The following PPP1R42 variants were observed in gnomAD, a reference collection of about 807,000 sequenced individuals.
PPP1R42 encodes the protein leucine rich repeat containing 67.
In PPP1R42, 34 loss-of-function variants were observed where a neutral mutation model predicts 31.0. That is an observed-to-expected ratio of 1.10 (90% CI 0.83 to 1.46). PPP1R42 has a LOEUF of 1.46. Ranked by LOEUF, PPP1R42 falls within the 40% of genes most tolerant of loss-of-function variation. PPP1R42 has a pLI of 0.00. For synonymous variants in PPP1R42, 103 were observed against 109.8 expected (o/e 0.94, Z 0.39); for missense variants, 268 against 303.0 (o/e 0.88, Z 0.86).
At chr8:67,019,893 A>C (rs888722238) in intron 1 of PPP1R42, among the ~76,000 whole-genome samples, 3 of 151,674 alleles carry the variant, frequency 2.0e-5, no homozygotes, top group African/African-American at 4.8e-5. Context: ...ACCTCAACAA[A>C]AAAAAAACCA....
rs1814863223 is a variant in PPP1R42, at chr8:66,982,227, A to G, written c.671-47T>C. The stretch of plus-strand genomic sequence containing the variant: ...TAAAAAATACAATATATACATATAA[A>G]CATAAGTCAAAATATGCACTTCTGG... On this transcript the variant is annotated intron_variant, in intron 6 of 7. Coordinates refer to ENST00000685739, the MANE Select transcript of PPP1R42 (RefSeq NM_001364910.1). The G allele has an allele frequency of 5.2e-6, 5 of 964,094 alleles. 1 individual carries two copies. In the East Asian group the frequency reaches 1.5e-4, roughly 30 times the overall value. The allele number at this position is 964,094 out of a possible 1,614,324, so 59.7% of individuals were successfully genotyped here.
chr8:66,978,909 TG>T (rs1434975956), intron 7 of PPP1R42, among the ~76,000 whole-genome samples: 13 of 151,468 alleles, frequency 8.6e-5, no homozygotes, highest in South Asian at 2.1e-4. Flanking sequence ...AAAACTGGGT[TG>T]TTTTTTTGCT....
chr8:66,995,737 T>C (rs1174947489), intron 5 of PPP1R42, among the ~76,000 whole-genome samples: 1 of 152,218 alleles, frequency 6.6e-6, no homozygotes, highest in African/African-American at 2.4e-5. Context: ...AAAATTAAAG[T>C]GAGATAATCA....
At chr8:66,966,889 T>C (rs1318475942) in intron 7 of PPP1R42, among the ~76,000 whole-genome samples, 1 of 152,236 alleles carries the variant, frequency 6.6e-6, no homozygotes, top group Admixed American at 6.5e-5. Flanking sequence ...TATATAACTC[T>C]TGTTCACAGA....
In PPP1R42 at chr8:67,017,733, G is replaced by A; in HGVS notation, c.15C>T (p.Thr5=). ...TGCTGTTTCTGGCAATTAGATCCAAGGTCAGTCGAACCATAATTTCTTTAT... is the reference window on the plus strand; with the variant it reads ...TGCTGTTTCTGGCAATTAGATCCAAAGTCAGTCGAACCATAATTTCTTTAT... The part of the protein sequence containing the change: MVRL[T]LDLIARNSNL... The change falls in exon 2 of 8, where the codon ACC becomes ACT. Residue 5 remains threonine (T), a synonymous_variant. Transcript: ENST00000685739. 2 of 1,589,650 alleles carry A rather than the reference G, an allele frequency of 1.3e-6. No individual in the cohort carries two copies. Among genetic ancestry groups the A allele is most frequent in the African/African-American group, 1.3e-5 (1 of 74,198 alleles).
intron 7 of PPP1R42, among the ~76,000 whole-genome samples, chr8:66,970,443 A>G (rs113894453): frequency 3.9e-5 from 6 of 152,098 alleles, no homozygotes; most frequent in African/African-American, 1.2e-4. Flanking sequence ...GCTCTGGTTT[A>G]TTTTTCCATC....
At chr8:67,012,801 A>G (rs550930282) in intron 4 of PPP1R42, 157 bp downstream of exon 4, 2 of 545,482 alleles carry the variant, frequency 3.7e-6, no homozygotes, top group Non-Finnish European at 5.8e-6. Flanking sequence ...GAGATTGTAC[A>G]TGAGAAAATC....
chr8:67,020,610 A>G (rs1278033533), intron 1 of PPP1R42, among the ~76,000 whole-genome samples: 4 of 152,224 alleles, frequency 2.6e-5, no homozygotes, highest in African/African-American at 7.2e-5. Flanking sequence ...AAGGATAATA[A>G]TAGTCCCTAT....
chr8:66,980,403 A>AT (rs909436075), intron 7 of PPP1R42, among the ~76,000 whole-genome samples: 4 of 151,080 alleles, frequency 2.6e-5, no homozygotes, highest in East Asian at 2.0e-4. Context: ...ATTTTAAAGT[A>AT]TTTTTTTTAT....
intron 2 of PPP1R42, among the ~76,000 whole-genome samples, chr8:67,015,744 AATAATT>A (rs1451753355): frequency 6.6e-6 from 1 of 152,094 alleles, no homozygotes; most frequent in Non-Finnish European, 1.5e-5. Flanking sequence ...TTTGAGATAA[AATAATT>A]AAAGGGATTT....
intron 6 of PPP1R42, chr8:66,984,800 C>G: frequency 6.2e-7 from 1 of 1,607,974 alleles, no homozygotes; most frequent in South Asian, 1.1e-5. Context: ...GAAATTCTCA[C>G]TTTGGGTTCT....
chr8:67,010,232 A>C (rs1406110881), intron 5 of PPP1R42, among the ~76,000 whole-genome samples: 1 of 152,248 alleles, frequency 6.6e-6, no homozygotes, highest in African/African-American at 2.4e-5. Flanking sequence ...TAAATGAATA[A>C]TTGAATGAAT....
chr8:67,017,566 T>C (rs1816053682), intron 2 of PPP1R42, 53 bp downstream of exon 2: 1 of 1,073,240 alleles, frequency 9.3e-7, no homozygotes, highest in Non-Finnish European at 1.3e-6. Context: ...AACCAATTCC[T>C]AAATTTTACA....
chr8:66,985,426 G>A (rs940731309), intron 6 of PPP1R42: 4 of 776,946 alleles, frequency 5.1e-6, no homozygotes, highest in Non-Finnish European at 9.0e-6. Flanking sequence ...CTCCTTGCCT[G>A]TTGCATCTAC....
At chr8:67,024,349 T>C (rs1816323315) in intron 1 of PPP1R42, among the ~76,000 whole-genome samples, 2 of 152,188 alleles carry the variant, frequency 1.3e-5, no homozygotes, top group South Asian at 4.1e-4. Flanking sequence ...GGTCTCACTC[T>C]GTCATTCAGG....
intron 1 of PPP1R42, among the ~76,000 whole-genome samples, chr8:67,027,586 C>A (rs1312786762): frequency 1.3e-5 from 2 of 152,166 alleles, no homozygotes; most frequent in Non-Finnish European, 2.9e-5. Flanking sequence ...CAAAACACCA[C>A]CATTCATCTT....
intron 7 of PPP1R42, among the ~76,000 whole-genome samples, chr8:66,979,989 T>C (rs1814781513): frequency 6.6e-6 from 1 of 152,158 alleles, no homozygotes; most frequent in Non-Finnish European, 1.5e-5. Flanking sequence ...GTATTAAATA[T>C]TTAAAAAGTG....
chr8:66,984,298 T>A lies in PPP1R42; in HGVS notation c.671-2118A>T. 1.4e-5 allele frequency: 19 copies of A among 1,351,020 alleles called. No homozygotes were observed. The South Asian group carries it at 1.9e-4, about 13-fold the overall frequency. The allele number at this position is 1,351,020 out of a possible 1,614,324, so 83.7% of individuals were successfully genotyped here. Reference sequence around the variant, plus strand: ...TGTACCCTCCCAGAATAGTACACATTTGTTGGTTTTCTTCACAGCTTCCTC... The same window carrying A: ...TGTACCCTCCCAGAATAGTACACATATGTTGGTTTTCTTCACAGCTTCCTC... On this transcript the variant is annotated intron_variant, in intron 6 of 7. Transcript: ENST00000685739.
At chr8:67,010,143 A>G (rs1815801177) in intron 5 of PPP1R42, among the ~76,000 whole-genome samples, 2 of 152,244 alleles carry the variant, frequency 1.3e-5, no homozygotes, top group South Asian at 4.1e-4. Flanking sequence ...GCAGATCAAG[A>G]CCGTATATTC....
Sources: gnomAD v4.1 joint callset for allele counts (sites outside exome capture counted in the v4.1 genomes callset) on GRCh38, gnomAD v4.1.1 for gene constraint, MANE v1.5 for transcripts, NCBI Gene and HGNC (gene_info 2026-07-23, HGNC 2026-07-21) for gene names.